Variants in ADAM2 observed in about 807,000 individuals in gnomAD.
The protein encoded by ADAM2 is disintegrin and metalloproteinase domain-containing protein 2.
ADAM2 carries 101 observed loss-of-function variants against 99.3 expected under a neutral mutation model. The observed-to-expected ratio is 1.02, with a 90% CI of 0.87 to 1.20. The LOEUF is 1.20. Ranked by LOEUF, ADAM2 falls within the 50% of genes most tolerant of loss-of-function variation. ADAM2 has a pLI of 0.00. For synonymous variants in ADAM2, 323 were observed against 287.6 expected (o/e 1.12, Z -1.25); for missense variants, 948 against 878.7 (o/e 1.08, Z -1.00).
At chr8:39,796,801 A>G (rs1803977731) in intron 7 of ADAM2, among the ~76,000 whole-genome samples, 1 of 151,982 alleles carries the variant, frequency 6.6e-6, no homozygotes, top group African/African-American at 2.4e-5. Context: ...AGTGATGTGG[A>G]GCTTTTTTTT....
intron 14 of ADAM2, among the ~76,000 whole-genome samples, chr8:39,764,505 C>T (rs1261583237): frequency 2.0e-5 from 3 of 152,136 alleles, no homozygotes; most frequent in Non-Finnish European, 2.9e-5. Flanking sequence ...CAAATCAGAG[C>T]CTTTCTCATC....
In ADAM2 at chr8:39,746,440, A is replaced by T. The variant is rs749305744; in HGVS notation, c.2174+32T>A. On this transcript the variant is annotated intron_variant, in intron 19 of 20. Transcript: ENST00000265708. ...ATTTACTATGTTCATAAATTATACA[A>T]ATAACAAATCTTAAATATGAAATCA... is the stretch of plus-strand genomic sequence containing the variant. 5 of 1,412,484 alleles carry T rather than the reference A, an allele frequency of 3.5e-6. No homozygotes were observed. In the South Asian group the frequency reaches 6.9e-5, roughly 20 times the overall value. The allele number at this position is 1,412,484 out of a possible 1,614,324, so 87.5% of individuals were successfully genotyped here.
chr8:39,776,920 C>T, intron 11 of ADAM2, 105 bp downstream of exon 11: 2 of 722,098 alleles, frequency 2.8e-6, no homozygotes, highest in East Asian at 5.5e-5. Context: ...AGTCCTCAGT[C>T]ACAGCTGATC....
intron 18 of ADAM2, among the ~76,000 whole-genome samples, chr8:39,748,318 G>T (rs933053440): frequency 1.3e-5 from 2 of 152,104 alleles, no homozygotes; most frequent in African/African-American, 4.8e-5. Flanking sequence ...GGTCTCCACT[G>T]CTCATTGGGA....
At chr8:39,814,695 G>A (rs181745767) in intron 6 of ADAM2, among the ~76,000 whole-genome samples, 5 of 152,230 alleles carry the variant, frequency 3.3e-5, no homozygotes, top group African/African-American at 9.6e-5. Flanking sequence ...TATGGGGTGT[G>A]TGGGTGCGGG....
intron 10 of ADAM2, among the ~76,000 whole-genome samples, chr8:39,786,673 C>G (rs76307989): frequency 2.0e-5 from 3 of 151,562 alleles, no homozygotes; most frequent in Non-Finnish European, 4.4e-5. Flanking sequence ...AAGTTTTAGC[C>G]GAAATTAATT....
chr8:39,750,070 C>T (rs756053120), intron 16 of ADAM2, among the ~76,000 whole-genome samples: 9 of 151,828 alleles, frequency 5.9e-5, no homozygotes, highest in South Asian at 2.1e-4. Flanking sequence ...ATTTGTGAAG[C>T]GTAAAATACA....
At chr8:39,806,963 G>T (rs568162638) in intron 7 of ADAM2, among the ~76,000 whole-genome samples, 2 of 152,114 alleles carry the variant, frequency 1.3e-5, no homozygotes, top group African/African-American at 4.8e-5. Flanking sequence ...GAAAATGAGC[G>T]CTAATAATAG....
chr8:39,749,184 C>A (rs946312392), intron 18 of ADAM2, 128 bp downstream of exon 18: 3 of 781,080 alleles, frequency 3.8e-6, no homozygotes, highest in Non-Finnish European at 6.1e-6. Flanking sequence ...AACACATACA[C>A]ATTCATGTGC....
intron 10 of ADAM2, among the ~76,000 whole-genome samples, chr8:39,786,546 G>A (rs548342930): frequency 1.2e-4 from 18 of 151,924 alleles, no homozygotes; most frequent in Non-Finnish European, 2.5e-4. Flanking sequence ...ATTTGGTTCC[G>A]TTATTCTTTA....
intron 18 of ADAM2, among the ~76,000 whole-genome samples, chr8:39,747,241 C>T (rs984865628): frequency 5.3e-5 from 8 of 152,112 alleles, no homozygotes; most frequent in East Asian, 1.9e-4. Context: ...GACCAATGAA[C>T]GTACATGCTA....
intron 7 of ADAM2, among the ~76,000 whole-genome samples, chr8:39,799,575 CTCCTGAATA>C (rs1348693678): frequency 6.6e-6 from 1 of 152,108 alleles, no homozygotes; most frequent in Non-Finnish European, 1.5e-5. Context: ...CTAATATCAA[CTCCTGAATA>C]TCCTTGTTAA....
rs142205490 is a variant in ADAM2 at position 39,785,405 on chromosome 8, T to C, written c.891+1569A>G. On this transcript the variant is annotated intron_variant, in intron 10 of 20. Coordinates refer to ENST00000265708, the MANE Select transcript of ADAM2 (RefSeq NM_001464.5). The stretch of plus-strand genomic sequence containing the variant: ...GGCTATGAGGAAAACAGACTGCTTA[T>C]ACACTGTTAGGGGGACTAGAATTAG... Among the ~76,000 whole-genome samples, 1,023 of 152,334 alleles carry C rather than the reference T, an allele frequency of 6.7e-3. 9 individuals are homozygous for C. Among genetic ancestry groups the C allele is most frequent in the African/African-American group, 0.023 (966 of 41,586 alleles).
chr8:39,763,262 A>G (rs1007558407), intron 14 of ADAM2, among the ~76,000 whole-genome samples: 1 of 152,224 alleles, frequency 6.6e-6, no homozygotes, highest in African/African-American at 2.4e-5. Context: ...GGTAAATTAG[A>G]TAGGTTGGTC....
At chr8:39,748,813 AC>A (rs746107720) in intron 18 of ADAM2, among the ~76,000 whole-genome samples, 31 of 152,072 alleles carry the variant, frequency 2.0e-4, no homozygotes, top group Admixed American at 2.6e-4. Context: ...TCCAACAGTG[AC>A]TGTATATTCT....
In ADAM2 at chr8:39,796,343, C is replaced by T. The variant is rs532793507; in HGVS notation, c.571-7603G>A. Among the ~76,000 whole-genome samples, 7 of 152,294 alleles carry T rather than the reference C, an allele frequency of 4.6e-5. No individual in the cohort carries two copies. The South Asian group carries it at 1.5e-3, about 32-fold the overall frequency. ...GGCTGAGGATGATGGCTTCCAGCTT[C>T]ATCCATGTCCCTGCAAAGGACACAA... is the stretch of plus-strand genomic sequence containing the variant. On this transcript the variant is annotated intron_variant, in intron 7 of 20. Transcript: ENST00000265708.
intron 10 of ADAM2, among the ~76,000 whole-genome samples, chr8:39,778,347 C>G (rs992247485): frequency 6.6e-6 from 1 of 151,926 alleles, no homozygotes; most frequent in African/African-American, 2.4e-5. Flanking sequence ...GGATGCTTTG[C>G]CCTTGAGTTT....
chr8:39,767,707 C>T (rs899209190), intron 12 of ADAM2, among the ~76,000 whole-genome samples: 1 of 151,862 alleles, frequency 6.6e-6, no homozygotes, highest in African/African-American at 2.4e-5. Flanking sequence ...TTTTTAACTC[C>T]CTAATTAAGG....
chr8:39,800,682 C>T (rs974461864), intron 7 of ADAM2, among the ~76,000 whole-genome samples: 2 of 152,112 alleles, frequency 1.3e-5, no homozygotes, highest in Non-Finnish European at 2.9e-5. Context: ...TAGGTTTAGT[C>T]TTTTTATGAA....
Sources: gnomAD v4.1 joint callset for allele counts (sites outside exome capture counted in the v4.1 genomes callset) on GRCh38, gnomAD v4.1.1 for gene constraint, MANE v1.5 for transcripts, NCBI Gene and HGNC (gene_info 2026-07-23, HGNC 2026-07-21) for gene names.